The following TNFRSF11A variants were observed in gnomAD, a reference collection of about 807,000 sequenced individuals.
The protein encoded by TNFRSF11A is TNF receptor superfamily member 11a.
A neutral mutation model predicts 55.7 loss-of-function variants in TNFRSF11A; 32 were observed. The ratio of observed to expected loss-of-function variants is 0.57; its 90% confidence interval spans 0.43 to 0.77. TNFRSF11A has a LOEUF of 0.77. Ranked by LOEUF, TNFRSF11A falls within the 30% of genes least tolerant of loss-of-function variation. The pLI is 0.00. For missense variants in TNFRSF11A, 753 were observed against 809.8 expected (o/e 0.93, Z 0.85); for synonymous variants, 311 against 331.0 (o/e 0.94, Z 0.65).
chr18:62,325,361 G>C lies in TNFRSF11A; in HGVS notation c.9G>C (p.Pro3=). Residue 3 remains proline (P), a synonymous_variant, in exon 1 of 10, where the codon CCG becomes CCC. Coordinates refer to ENST00000586569, the MANE Select transcript of TNFRSF11A (RefSeq NM_003839.4). The surrounding 1 kb of genome is among the most constrained non-coding windows in gnomAD (Gnocchi z 4.7). ...CCAGCCTGTCCCGCGCCATGGCCCC[G>C]CGCGCCCGGCGGCGCCGCCCGCTGT... MA[P]RARRRRPLFA... is the part of the protein sequence containing the mutation. 1 of 1,030,078 alleles carries C rather than the reference G, an allele frequency of 9.7e-7. No homozygotes were observed. The highest frequency in any genetic ancestry group is 1.2e-6 in the Non-Finnish European group (1 of 862,920). The allele number at this position is 1,030,078 out of a possible 1,614,324, so 63.8% of individuals were successfully genotyped here.
intron 1 of TNFRSF11A, among the ~76,000 whole-genome samples, chr18:62,331,930 T>C (rs916747608): frequency 8.5e-5 from 13 of 152,238 alleles, no homozygotes; most frequent in African/African-American, 3.1e-4. Flanking sequence ...GGGACAGAGC[T>C]GCCAGATTTC....
At chr18:62,331,123 G>A (rs971116991) in intron 1 of TNFRSF11A, among the ~76,000 whole-genome samples, 1 of 152,154 alleles carries the variant, frequency 6.6e-6, no homozygotes, top group East Asian at 1.9e-4. Context: ...AGAATCGCTT[G>A]TATCCAGGAG....
At chr18:62,368,332 T>C (rs1405246831) in intron 8 of TNFRSF11A, among the ~76,000 whole-genome samples, 2 of 152,224 alleles carry the variant, frequency 1.3e-5, no homozygotes, top group South Asian at 2.1e-4. Context: ...ACCACAGTGA[T>C]ACACAGAGCT....
At chr18:62,335,519 C>T (rs527952723) in intron 1 of TNFRSF11A, among the ~76,000 whole-genome samples, 1 of 152,300 alleles carries the variant, frequency 6.6e-6, no homozygotes, top group East Asian at 1.9e-4. Context: ...GTGGTGGGCA[C>T]CTGCCCCTCT....
chr18:62,358,257 A>G lies in TNFRSF11A; in HGVS notation c.437A>G (p.Asn146Ser). 1 of 1,610,356 alleles carries G rather than the reference A, an allele frequency of 6.2e-7. No individual in the cohort carries two copies. Among genetic ancestry groups the G allele is most frequent in the Non-Finnish European group, 8.5e-7 (1 of 1,179,692 alleles). ...TTTTTTTTTCTCACAGTGCAGCTCA[A>G]CAAGGACACAGTGTGCAAACCTTGC... ...GLGAQHPLQLNKDTVCKPCLA... is the reference protein window; with the variant it reads ...GLGAQHPLQLSKDTVCKPCLA... The change falls in exon 5 of 10, where the codon AAC (asparagine) becomes AGC (serine). Residue 146 changes from asparagine (N) to serine (S), a missense_variant. Asn to Ser is a conservative substitution (Grantham distance 46). This residue lies in a region of TNFRSF11A where 30 missense variants were observed against 58.0 expected (regional missense o/e 0.52). Transcript: ENST00000586569.
At position 62,385,122 on chromosome 18, in the gene TNFRSF11A, G is replaced by T; in HGVS notation, c.*88G>T. 2.2e-6 allele frequency: 3 copies of T among 1,342,966 alleles called. No individual in the cohort carries two copies. The highest frequency in any genetic ancestry group is 2.9e-6 in the Non-Finnish European group (3 of 1,045,176). 83.2% of individuals were successfully genotyped at this position (1,342,966 alleles called of 1,614,324 possible). A position where few individuals can be genotyped will look rare whatever the true frequency, so the allele number is the denominator to read the frequency against. On this transcript the variant is annotated 3_prime_UTR_variant, in exon 10 of 10. Coordinates refer to ENST00000586569, the MANE Select transcript of TNFRSF11A (RefSeq NM_003839.4). ...CTCTGCCCCAGCCCCGGCCACCCAG[G>T]GATCGATCGGTACAGTCGAGGAAGA...
chr18:62,351,754 G>T (rs1035065002), intron 3 of TNFRSF11A, among the ~76,000 whole-genome samples: 1 of 152,186 alleles, frequency 6.6e-6, no homozygotes, highest in African/African-American at 2.4e-5. Flanking sequence ...ATATTATGGA[G>T]CTATTTGAGG....
intron 9 of TNFRSF11A, among the ~76,000 whole-genome samples, chr18:62,381,801 C>CT (rs1046662565): frequency 5.3e-5 from 8 of 151,960 alleles, no homozygotes; most frequent in Admixed American, 6.6e-5. Flanking sequence ...ATTGTATGTG[C>CT]TTTTTTTAAA....
intron 3 of TNFRSF11A, among the ~76,000 whole-genome samples, chr18:62,351,150 G>A (rs1225053434): frequency 2.0e-5 from 3 of 151,828 alleles, no homozygotes; most frequent in Non-Finnish European, 4.4e-5. Flanking sequence ...TTACAGGCAC[G>A]TGCCACCATG....
At chr18:62,341,737 A>G (rs567896713) in intron 1 of TNFRSF11A, among the ~76,000 whole-genome samples, 4 of 150,304 alleles carry the variant, frequency 2.7e-5, no homozygotes, top group African/African-American at 9.7e-5. Flanking sequence ...GTGCCACATC[A>G]TGTATAGGAG....
chr18:62,360,119 A>G, intron 6 of TNFRSF11A, 70 bp downstream of exon 6: 1 of 1,286,660 alleles, frequency 7.8e-7, no homozygotes, highest in Non-Finnish European at 1.1e-6. Context: ...GATCCCTCCC[A>G]GATGGCACGT....
rs548788382 is a variant in TNFRSF11A at position 62,386,222 on chromosome 18, G to A, written c.*1188G>A. 6.6e-6 allele frequency: 1 copy of A among 152,196 alleles called. No homozygotes were observed. The highest frequency in any genetic ancestry group is 2.1e-4 in the South Asian group (1 of 4,816). 9.4% of individuals were successfully genotyped at this position (152,196 alleles called of 1,614,324 possible). A position where few individuals can be genotyped will look rare whatever the true frequency, so the allele number is the denominator to read the frequency against. On this transcript the variant is annotated 3_prime_UTR_variant, in exon 10 of 10. Transcript: ENST00000586569. The stretch of plus-strand genomic sequence containing the variant: ...AAAATGAACAGGACATGGGGCTCCT[G>A]GAAAGAAAGGGCCCGGGAAGTTCAA...
At position 62,387,128 on chromosome 18, in the gene TNFRSF11A, C is replaced by T. The variant is rs1911789483; in HGVS notation, c.*2094C>T. On this transcript the variant is annotated 3_prime_UTR_variant, in exon 10 of 10. Coordinates refer to ENST00000586569, the MANE Select transcript of TNFRSF11A (RefSeq NM_003839.4). ...CCTACCCAGAGATATTAGAAGTATG[C>T]TACAGTGAATGTTAAAGTACCTTGA... 1 of 152,100 alleles carries T rather than the reference C, an allele frequency of 6.6e-6. No individual in the cohort carries two copies. Among genetic ancestry groups the T allele is most frequent in the South Asian group, 2.1e-4 (1 of 4,824 alleles). 9.4% of individuals were successfully genotyped at this position (152,100 alleles called of 1,614,324 possible).
intron 1 of TNFRSF11A, among the ~76,000 whole-genome samples, chr18:62,346,585 A>G (rs1198463441): frequency 6.6e-6 from 1 of 152,088 alleles, no homozygotes; most frequent in African/African-American, 2.4e-5. Context: ...TCCAAGTACA[A>G]CCTTCCTGTC....
chr18:62,333,373 G>A (rs1287741791), intron 1 of TNFRSF11A, among the ~76,000 whole-genome samples: 2 of 152,148 alleles, frequency 1.3e-5, no homozygotes, highest in Admixed American at 6.5e-5. Flanking sequence ...CAACCTCTCC[G>A]CTGATTCTGA....
intron 2 of TNFRSF11A, among the ~76,000 whole-genome samples, chr18:62,349,122 A>G (rs576763883): frequency 4.6e-4 from 70 of 150,956 alleles, no homozygotes; most frequent in African/African-American, 1.6e-3. Flanking sequence ...GTTCCAGGGA[A>G]TCTTTCAAGT....
intron 5 of TNFRSF11A, 76 bp from the exon 6 acceptor site, chr18:62,359,879 G>A (rs1156645274): frequency 7.5e-7 from 1 of 1,337,854 alleles, no homozygotes; most frequent in Non-Finnish European, 1.1e-6. Flanking sequence ...GGCAATCTGG[G>A]AGAGTTTTGC....
intron 8 of TNFRSF11A, among the ~76,000 whole-genome samples, chr18:62,367,009 T>C (rs1038958699): frequency 8.5e-5 from 13 of 152,272 alleles, no homozygotes; most frequent in African/African-American, 2.9e-4. Flanking sequence ...CTACCAAGCC[T>C]GGCTAATTTT....
intron 9 of TNFRSF11A, among the ~76,000 whole-genome samples, chr18:62,370,748 C>A (rs1158017601): frequency 3.9e-5 from 6 of 152,056 alleles, no homozygotes; most frequent in Non-Finnish European, 1.5e-5. Context: ...CAGAATTGTT[C>A]TTATTTTTTA....
Sources: allele counts gnomAD v4.1 joint callset (sites outside exome capture counted in the v4.1 genomes callset), GRCh38; gene constraint gnomAD v4.1.1; regional missense constraint gnomAD v4.1.1; non-coding constraint Gnocchi (gnomAD v3.1); transcripts MANE v1.5; gene names NCBI Gene and HGNC (gene_info 2026-07-23, HGNC 2026-07-21).